CCDC148: variants seen among roughly 807,000 people sequenced by gnomAD.
CCDC148 encodes the protein coiled-coil domain containing 148, also known as coiled-coil domain-containing protein 148.
A neutral mutation model predicts 85.7 loss-of-function variants in CCDC148; 89 were observed. That is an observed-to-expected ratio of 1.04 (90% CI 0.87 to 1.24). The LOEUF is 1.24. Ranked by LOEUF, CCDC148 falls within the 50% of genes most tolerant of loss-of-function variation. CCDC148 has a pLI of 0.00. For synonymous variants in CCDC148, 230 were observed against 213.9 expected, an observed-to-expected ratio of 1.08 and a Z score of -0.66; for missense variants, 692 against 671.7, an observed-to-expected ratio of 1.03 and a Z score of -0.33.
rs1424689387 is a variant in CCDC148 at position 158,309,751 on chromosome 2, C to G, written c.904-112G>C. On this transcript the variant is annotated intron_variant, in intron 8 of 13. Coordinates refer to ENST00000283233, the MANE Select transcript of CCDC148 (RefSeq NM_138803.4). ...AATTATAACCAATGATTTTGAAAAA[C>G]TGGGGACAAATATTTAATCGTAAAT... 1.6e-5 allele frequency: 13 copies of G among 812,612 alleles called. No individual in the cohort carries two copies. The East Asian group carries it at 2.9e-4, about 18-fold the overall frequency. 50.3% of individuals were successfully genotyped at this position (812,612 alleles called of 1,614,324 possible).
Position 158,338,745 on chromosome 2 carries a change from G to C in CCDC148, c.745C>G (p.Gln249Glu), listed in dbSNP as rs1682516799. The C allele has an allele frequency of 6.2e-7, 1 of 1,606,578 alleles. No individual in the cohort carries two copies. The highest frequency in any genetic ancestry group is 1.3e-5 in the African/African-American group (1 of 74,184). The change falls in exon 7 of 14, where the codon CAG (glutamine) becomes GAG (glutamate). Residue 249 changes from glutamine to glutamate, a missense_variant. Transcript: ENST00000283233. Reference protein sequence around the residue: ...YQKKLQDFNLQLEDIYRNCQL... With the variant: ...YQKKLQDFNLELEDIYRNCQL... ...TATCACCTGTATATGTCTTCCAACT[G>C]CAGATTAAAGTCTTGAAGCTTCTTC...
chr2:158,195,677 G>C (rs1033765533), intron 11 of CCDC148, among the ~76,000 whole-genome samples: 3 of 152,046 alleles, frequency 2.0e-5, no homozygotes, highest in Non-Finnish European at 4.4e-5. Context: ...GTTTTCTATG[G>C]TTATGCTGCT....
intron 9 of CCDC148, among the ~76,000 whole-genome samples, chr2:158,292,825 T>C (rs578140467): frequency 1.5e-3 from 229 of 152,326 alleles, no homozygotes; most frequent in Non-Finnish European, 2.2e-3. Context: ...CCATGAAGAA[T>C]ATAAAAGCCA....
intron 1 of CCDC148, among the ~76,000 whole-genome samples, chr2:158,410,955 G>C (rs1321576070): frequency 6.6e-6 from 1 of 152,016 alleles, no homozygotes; most frequent in African/African-American, 2.4e-5. Context: ...ATTTTTAAAG[G>C]ATAGTTTTGC....
chr2:158,356,855 G>C (rs1429345421), intron 2 of CCDC148, among the ~76,000 whole-genome samples: 1 of 126,594 alleles, frequency 7.9e-6, no homozygotes, highest in Admixed American at 8.5e-5. Flanking sequence ...TGATAGACTG[G>C]ATTAAGAAAA....
At chr2:158,441,338 A>G (rs1195173226) in intron 1 of CCDC148, among the ~76,000 whole-genome samples, 1 of 152,230 alleles carries the variant, frequency 6.6e-6, no homozygotes, top group African/African-American at 2.4e-5. Flanking sequence ...TAAATGAAAA[A>G]TATGCAAGAT....
intron 9 of CCDC148, among the ~76,000 whole-genome samples, chr2:158,281,163 C>T (rs895347338): frequency 3.9e-5 from 6 of 151,916 alleles, no homozygotes; most frequent in African/African-American, 7.3e-5. Context: ...TAAATGCCCA[C>T]AAGAGAAAGC....
intron 1 of CCDC148, among the ~76,000 whole-genome samples, chr2:158,421,985 C>A (rs548530203): frequency 2.1e-4 from 32 of 152,272 alleles, no homozygotes; most frequent in African/African-American, 7.7e-4. Flanking sequence ...ACTAGAAAAT[C>A]TAGAAGAAAT....
intron 9 of CCDC148, among the ~76,000 whole-genome samples, chr2:158,267,810 C>A (rs558954923): frequency 2.6e-5 from 4 of 152,216 alleles, no homozygotes; most frequent in African/African-American, 9.6e-5. Flanking sequence ...TATAGTTTTG[C>A]CTTTTCTAGA....
chr2:158,322,245 A>T (rs562916267), intron 7 of CCDC148, among the ~76,000 whole-genome samples: 2 of 152,300 alleles, frequency 1.3e-5, no homozygotes, highest in South Asian at 4.1e-4. Flanking sequence ...AAATGTGGTA[A>T]AAATAATTGT....
chr2:158,442,939 C>T (rs970871300), intron 1 of CCDC148, among the ~76,000 whole-genome samples: 4 of 152,312 alleles, frequency 2.6e-5, no homozygotes, highest in Admixed American at 1.3e-4. Flanking sequence ...CTGGCTCCAA[C>T]GCCTGCAAAG....
intron 9 of CCDC148, among the ~76,000 whole-genome samples, chr2:158,287,173 C>A (rs1690665827): frequency 6.6e-6 from 1 of 152,134 alleles, no homozygotes; most frequent in South Asian, 2.1e-4. Context: ...TGAATTACCT[C>A]CTACTGGGCC....
At chr2:158,347,459 A>T (rs1375073295) in intron 2 of CCDC148, among the ~76,000 whole-genome samples, 7 of 152,132 alleles carry the variant, frequency 4.6e-5, no homozygotes, top group Admixed American at 4.6e-4. Flanking sequence ...TGAAAAAAAA[A>T]AGTCTTAAAA....
At chr2:158,210,940 C>A (rs1403248927) in intron 11 of CCDC148, among the ~76,000 whole-genome samples, 3 of 126,762 alleles carry the variant, frequency 2.4e-5, no homozygotes, top group Non-Finnish European at 4.7e-5. Context: ...GCCTGGGCGA[C>A]AGAGCAAGAC....
intron 10 of CCDC148, among the ~76,000 whole-genome samples, chr2:158,242,871 G>C (rs1489278132): frequency 6.6e-6 from 1 of 151,976 alleles, no homozygotes; most frequent in Non-Finnish European, 1.5e-5. Flanking sequence ...CAGTACCATG[G>C]ATGTACCAGG....
At chr2:158,340,815 A>C in intron 3 of CCDC148, 135 bp from the exon 4 acceptor site, 1 of 614,922 alleles carries the variant, frequency 1.6e-6, no homozygotes, top group Non-Finnish European at 2.8e-6. Context: ...AATTCCTAAC[A>C]TGGCTTGAGT....
At chr2:158,213,756 C>T (rs770124054) in intron 11 of CCDC148, among the ~76,000 whole-genome samples, 19 of 152,088 alleles carry the variant, frequency 1.2e-4, no homozygotes, top group African/African-American at 2.7e-4. Flanking sequence ...ATAAAGAATG[C>T]TCAGTAAAGA....
chr2:158,333,817 T>G (rs1012278295), intron 7 of CCDC148, among the ~76,000 whole-genome samples: 1 of 152,098 alleles, frequency 6.6e-6, no homozygotes, highest in Non-Finnish European at 1.5e-5. Flanking sequence ...TCTGGTCATA[T>G]CACACAATCT....
intron 9 of CCDC148, chr2:158,288,798 T>A: frequency 2.6e-6 from 1 of 384,058 alleles, no homozygotes; most frequent in Non-Finnish European, 5.1e-6. Context: ...TTTACTGTAT[T>A]AGTCCATTTT....
Sources: allele counts gnomAD v4.1 joint callset (sites outside exome capture counted in the v4.1 genomes callset), GRCh38; gene constraint gnomAD v4.1.1; transcripts MANE v1.5; gene names NCBI Gene and HGNC (gene_info 2026-07-23, HGNC 2026-07-21).